Variants in XKR9 observed in about 807,000 individuals in gnomAD.
XKR9 encodes XK-related protein 9.
XKR9 carries 32 observed loss-of-function variants against 32.0 expected under a neutral mutation model. The ratio of observed to expected loss-of-function variants is 1.00; its 90% CI spans 0.76 to 1.34. The LOEUF (loss-of-function observed/expected upper bound fraction) is 1.34, where lower values mean the gene tolerates loss of function less well. Among genes scored for constraint, XKR9 ranks in the 40% most tolerant of loss-of-function variants. XKR9 has a pLI of 0.00. For missense variants in XKR9, 546 were observed against 429.7 expected, an observed-to-expected ratio of 1.27 and a Z score of -2.39; for synonymous variants, 168 against 143.4, an observed-to-expected ratio of 1.17 and a Z score of -1.22.
the XKR9 span, among the ~76,000 whole-genome samples, chr8:70,814,090 A>T: frequency 6.6e-6 from 1 of 152,210 alleles, no homozygotes; most frequent in Non-Finnish European, 1.5e-5. Flanking sequence ...TGGCACATAT[A>T]CACCATGGAA....
At chr8:70,935,033 A>G in the XKR9 span, among the ~76,000 whole-genome samples, 23 of 150,922 alleles carry the variant, frequency 1.5e-4, no homozygotes, top group African/African-American at 5.1e-4. Flanking sequence ...TATCTCTTAC[A>G]TACATTTTCT....
chr8:70,767,428 G>A (rs62532108), intron 2 of XKR9, among the ~76,000 whole-genome samples: 10,967 of 150,922 alleles, frequency 0.073, 471 homozygotes, highest in Non-Finnish European at 0.089. Flanking sequence ...TTGTATTTCT[G>A]TGAGATCAGT....
At chr8:70,988,568 A>C in the XKR9 span, among the ~76,000 whole-genome samples, 2 of 152,086 alleles carry the variant, frequency 1.3e-5, no homozygotes, top group African/African-American at 4.8e-5. Flanking sequence ...TGCATGTCTG[A>C]TTCTTGTTTC....
At chr8:70,749,651 C>A (rs559098439) in intron 2 of XKR9, among the ~76,000 whole-genome samples, 13 of 152,212 alleles carry the variant, frequency 8.5e-5, no homozygotes, top group Non-Finnish European at 1.8e-4. Context: ...CTGGCTCACC[C>A]TTGGCAGGCA....
the XKR9 span, among the ~76,000 whole-genome samples, chr8:70,885,129 G>T: frequency 6.6e-6 from 1 of 151,184 alleles, no homozygotes; most frequent in Admixed American, 6.6e-5. Flanking sequence ...CATTTTCTGG[G>T]GTGCTAATGT....
At chr8:70,988,780 T>C in the XKR9 span, among the ~76,000 whole-genome samples, 1 of 152,220 alleles carries the variant, frequency 6.6e-6, no homozygotes, top group Non-Finnish European at 1.5e-5. Flanking sequence ...AACTTTTTCA[T>C]CTTACAATGC....
At chr8:70,833,168 T>TC in the XKR9 span, among the ~76,000 whole-genome samples, 2 of 152,046 alleles carry the variant, frequency 1.3e-5, no homozygotes, top group Non-Finnish European at 2.9e-5. Flanking sequence ...ATTTCTTCCC[T>TC]CCCCCAGAAT....
chr8:70,740,821 C>T (rs1473364505), downstream of XKR9, among the ~76,000 whole-genome samples: 2 of 152,206 alleles, frequency 1.3e-5, no homozygotes, highest in Non-Finnish European at 2.9e-5. Context: ...GATCGTTCCT[C>T]TGAAAGTTTT....
At chr8:70,793,146 T>C (rs1586900903), downstream of XKR9, among the ~76,000 whole-genome samples, 1 of 152,104 alleles carries the variant, frequency 6.6e-6, no homozygotes, top group East Asian at 1.9e-4. Flanking sequence ...CTTTTGAATA[T>C]AGATATTAGC....
chr8:70,919,906 G>T, the XKR9 span, among the ~76,000 whole-genome samples: 1 of 152,238 alleles, frequency 6.6e-6, no homozygotes, highest in Admixed American at 6.5e-5. Context: ...TTTGCACAGG[G>T]CTATTAGAGT....
At chr8:70,673,848 A>G (rs1035862600) in intron 1 of XKR9, among the ~76,000 whole-genome samples, 2 of 152,216 alleles carry the variant, frequency 1.3e-5, no homozygotes, top group Admixed American at 6.5e-5. Flanking sequence ...CCAAGAAATC[A>G]GATCAAATAT....
At chr8:70,827,229 A>C in the XKR9 span, among the ~76,000 whole-genome samples, 5 of 152,188 alleles carry the variant, frequency 3.3e-5, no homozygotes, top group African/African-American at 4.8e-5. Flanking sequence ...ACACACACAT[A>C]TATATGTGTA....
chr8:70,698,630 G>A (rs1449451994), intron 3 of XKR9, among the ~76,000 whole-genome samples: 3 of 149,920 alleles, frequency 2.0e-5, no homozygotes, highest in Admixed American at 2.0e-4. Flanking sequence ...TGGAATAGGT[G>A]TGGTGTGGTG....
At chr8:70,701,904 C>T (rs1014948145) in intron 3 of XKR9, among the ~76,000 whole-genome samples, 3 of 152,156 alleles carry the variant, frequency 2.0e-5, no homozygotes, top group African/African-American at 7.2e-5. Flanking sequence ...AAAAACCTCT[C>T]TCTGCCAAAG....
the XKR9 span, among the ~76,000 whole-genome samples, chr8:70,814,362 C>A: frequency 9.2e-5 from 14 of 151,980 alleles, no homozygotes; most frequent in African/African-American, 3.1e-4. Context: ...TTAGTGGGTG[C>A]AGCACACCAA....
chr8:70,796,192 T>G, the XKR9 span, among the ~76,000 whole-genome samples: 1 of 152,264 alleles, frequency 6.6e-6, no homozygotes, highest in South Asian at 2.1e-4. Flanking sequence ...GAAGTAGTTT[T>G]TCAATCCTTA....
the XKR9 span, among the ~76,000 whole-genome samples, chr8:70,940,445 A>T: frequency 6.6e-6 from 1 of 152,092 alleles, no homozygotes; most frequent in African/African-American, 2.4e-5. Context: ...GCTGTGCAAT[A>T]TTGGGCAAGT....
the XKR9 span, among the ~76,000 whole-genome samples, chr8:70,878,958 TCA>T: frequency 6.6e-6 from 1 of 152,172 alleles, no homozygotes; most frequent in Non-Finnish European, 1.5e-5. Flanking sequence ...AAACTGTCTC[TCA>T]GACCACAGTA....
the XKR9 span, among the ~76,000 whole-genome samples, chr8:70,876,022 T>C: frequency 1.3e-5 from 2 of 152,072 alleles, no homozygotes; most frequent in Non-Finnish European, 2.9e-5. Flanking sequence ...TCAAACATAA[T>C]ATAAAGGTTT....
Sources: gnomAD v4.1 joint callset for allele counts (sites outside exome capture counted in the v4.1 genomes callset) on GRCh38, gnomAD v4.1.1 for gene constraint, MANE v1.5 for transcripts, NCBI Gene and HGNC (gene_info 2026-07-23, HGNC 2026-07-21) for gene names.